The following TSHZ2 variants were observed in gnomAD, a reference collection of about 807,000 sequenced individuals.
The protein encoded by TSHZ2 is teashirt zinc finger homeobox 2.
In TSHZ2, 21 loss-of-function variants were observed where a neutral mutation model predicts 74.4. The observed-to-expected ratio is 0.28, with a 90% CI of 0.20 to 0.41. The LOEUF (loss-of-function observed/expected upper bound fraction) is 0.41. Ranked by LOEUF, TSHZ2 falls within the 10% of genes least tolerant of loss-of-function variation. The pLI is 1.00. For missense variants in TSHZ2, 1,244 were observed against 1,293.5 expected, an observed-to-expected ratio of 0.96 and a Z score of 0.59; for synonymous variants, 540 against 515.3, an observed-to-expected ratio of 1.05 and a Z score of -0.65.
At chr20:53,150,895 A>C (rs1227550887) in intron 1 of TSHZ2, among the ~76,000 whole-genome samples, 1 of 152,238 alleles carries the variant, frequency 6.6e-6, no homozygotes, top group Non-Finnish European at 1.5e-5. Context: ...TGGGAAGGCC[A>C]TCCTTTCAAA....
intron 2 of TSHZ2, among the ~76,000 whole-genome samples, chr20:53,384,894 G>A (rs994719146): frequency 1.3e-4 from 20 of 152,304 alleles, no homozygotes; most frequent in African/African-American, 3.6e-4. Flanking sequence ...AGGCCAAGGC[G>A]GGTGGGTCAC....
intron 2 of TSHZ2, among the ~76,000 whole-genome samples, chr20:53,421,000 A>C (rs1983448378): frequency 6.6e-6 from 1 of 152,240 alleles, no homozygotes; most frequent in African/African-American, 2.4e-5. Flanking sequence ...AATGGAAACC[A>C]ATCTGGGAAA....
At chr20:53,265,813 G>A (rs1237327757) in intron 2 of TSHZ2, among the ~76,000 whole-genome samples, 1 of 152,226 alleles carries the variant, frequency 6.6e-6, no homozygotes, top group African/African-American at 2.4e-5. Context: ...CACATCAGCA[G>A]AAAACCAGAA....
chr20:53,019,973 A>G (rs1983179207), intron 1 of TSHZ2, among the ~76,000 whole-genome samples: 1 of 152,210 alleles, frequency 6.6e-6, no homozygotes, highest in African/African-American at 2.4e-5. Flanking sequence ...AGGCCTCAAG[A>G]AACTTACAAT....
chr20:53,491,079 A>C lies in TSHZ2; in HGVS notation c.*3944A>C, dbSNP rs540616149. On this transcript the variant is annotated 3_prime_UTR_variant, in exon 3 of 3. Transcript: ENST00000371497. The stretch of plus-strand genomic sequence containing the variant: ...GCTTTTGTTTAAAAAAAAAAAAAAA[A>C]CCCCAAATGTCATTTTTCACATTAT... 2.1e-5 allele frequency: 2 copies of C among 93,742 alleles called. No homozygotes were observed. The highest frequency in any genetic ancestry group is 4.5e-5 in the African/African-American group (1 of 22,060). 5.8% of individuals were successfully genotyped at this position (93,742 alleles called of 1,614,324 possible). A position where few individuals can be genotyped will look rare whatever the true frequency, so the allele number is the denominator to read the frequency against.
Position 53,462,699 on chromosome 20 carries a change from G to A in TSHZ2, c.*9-24445G>A, listed in dbSNP as rs1027961907. Reference sequence around the variant, plus strand: ...CTGCTCAACAGCTGATTTGGGGGTGGAGGAAAGCCTTGAATTACTTTGAGA... The same window carrying A: ...CTGCTCAACAGCTGATTTGGGGGTGAAGGAAAGCCTTGAATTACTTTGAGA... On this transcript the variant is annotated intron_variant, in intron 2 of 2. Transcript: ENST00000371497. Among the ~76,000 whole-genome samples, 51 of 152,212 alleles carry A rather than the reference G, an allele frequency of 3.4e-4. 1 individual carries two copies. The highest frequency in any genetic ancestry group is 6.9e-4 in the Non-Finnish European group (47 of 68,036).
chr20:53,049,370 A>C, intron 1 of TSHZ2, among the ~76,000 whole-genome samples: 2 of 149,416 alleles, frequency 1.3e-5, no homozygotes, highest in African/African-American at 2.5e-5. Flanking sequence ...TCCTGCCCCC[A>C]CCCCTCCCGT....
intron 1 of TSHZ2, among the ~76,000 whole-genome samples, chr20:53,107,991 G>A (rs927671876): frequency 3.3e-5 from 5 of 152,186 alleles, no homozygotes; most frequent in African/African-American, 1.2e-4. Context: ...GTCAGAACTT[G>A]TGGAACAATG....
At chr20:53,313,140 A>G (rs963228983) in intron 2 of TSHZ2, among the ~76,000 whole-genome samples, 2 of 152,276 alleles carry the variant, frequency 1.3e-5, no homozygotes, top group African/African-American at 4.8e-5. Flanking sequence ...TTCATTTAGC[A>G]GAAACCTTCA....
chr20:52,995,391 G>T (rs1472041544), intron 1 of TSHZ2, among the ~76,000 whole-genome samples: 1 of 152,148 alleles, frequency 6.6e-6, no homozygotes, highest in African/African-American at 2.4e-5. Flanking sequence ...AACCTACATA[G>T]GTTTCCACGA....
In TSHZ2 at chr20:53,048,989, G is replaced by T. The variant is rs545531636; in HGVS notation, c.40+75656G>T. ...TCTCTCATTCATTCTTTATTCTACC[G>T]AAACTGTCTGAAACTCAGTCTTCAT... On this transcript the variant is annotated intron_variant, in intron 1 of 2. Transcript: ENST00000371497. Among the ~76,000 whole-genome samples the T allele has an allele frequency of 5.3e-5, 8 of 152,294 alleles. 1 individual carries two copies.
chr20:53,391,542 C>T (rs1982259908), intron 2 of TSHZ2, among the ~76,000 whole-genome samples: 1 of 151,856 alleles, frequency 6.6e-6, no homozygotes, highest in Non-Finnish European at 1.5e-5. Flanking sequence ...AACAATCCTT[C>T]CACTTCAGCC....
intron 1 of TSHZ2, among the ~76,000 whole-genome samples, chr20:53,200,473 A>T (rs1466488765): frequency 1.3e-5 from 2 of 152,216 alleles, no homozygotes; most frequent in Non-Finnish European, 2.9e-5. Flanking sequence ...GACGTTACGG[A>T]TAACTGTAAT....
chr20:53,273,584 C>T (rs975103784), intron 2 of TSHZ2, among the ~76,000 whole-genome samples: 11 of 152,292 alleles, frequency 7.2e-5, no homozygotes, highest in African/African-American at 2.6e-4. Context: ...CCACCACGCC[C>T]AGCCTACTTT....
intron 1 of TSHZ2, among the ~76,000 whole-genome samples, chr20:53,082,513 T>G (rs1350657559): frequency 6.6e-6 from 1 of 152,206 alleles, no homozygotes; most frequent in Non-Finnish European, 1.5e-5. Flanking sequence ...TTTTAGAGCT[T>G]CTTAAGAGAT....
intron 2 of TSHZ2, among the ~76,000 whole-genome samples, chr20:53,305,021 C>T (rs917549996): frequency 2.0e-5 from 3 of 150,674 alleles, no homozygotes; most frequent in Admixed American, 2.0e-4. Flanking sequence ...CTGCAAGCTC[C>T]GCCTCCCAGG....
At chr20:53,177,485 G>T (rs1042996768) in intron 1 of TSHZ2, among the ~76,000 whole-genome samples, 1 of 152,102 alleles carries the variant, frequency 6.6e-6, no homozygotes. Context: ...GTGCACATAC[G>T]GCTGGTCCTC....
At chr20:53,283,593 A>T (rs1168860044) in intron 2 of TSHZ2, among the ~76,000 whole-genome samples, 1 of 152,244 alleles carries the variant, frequency 6.6e-6, no homozygotes, top group Non-Finnish European at 1.5e-5. Context: ...AGGAAAAAAT[A>T]AAATAGTAAG....
chr20:53,085,461 A>G (rs2741366), intron 1 of TSHZ2, among the ~76,000 whole-genome samples: 25,529 of 152,156 alleles, frequency 0.17, 2,633 homozygotes, highest in East Asian at 0.42. Context: ...AAATATGACC[A>G]GGCTGTCAGT....
Sources: gnomAD v4.1 joint callset for allele counts (sites outside exome capture counted in the v4.1 genomes callset) on GRCh38, gnomAD v4.1.1 for gene constraint, MANE v1.5 for transcripts, NCBI Gene and HGNC (gene_info 2026-07-23, HGNC 2026-07-21) for gene names.